Variants in LRCH1 observed in about 807,000 individuals in gnomAD.
LRCH1 encodes the protein leucine rich repeats and calponin homology domain containing 1.
Under a neutral mutation model 94.9 loss-of-function variants are expected in LRCH1, and 23 were observed. The observed-to-expected ratio is 0.24, with a 90% CI of 0.17 to 0.34. The LOEUF (loss-of-function observed/expected upper bound fraction) is 0.34. LRCH1 is among the 10% of genes least tolerant of loss of function. LRCH1 has a pLI of 1.00. For missense variants in LRCH1, 790 were observed against 945.9 expected (o/e 0.84, Z 2.16); for synonymous variants, 364 against 354.9 (o/e 1.03, Z -0.29).
At chr13:46,733,845 A>G in intron 18 of LRCH1, 76 bp from the exon 19 acceptor site, 2 of 823,586 alleles carry the variant, frequency 2.4e-6, no homozygotes, top group Non-Finnish European at 3.8e-6. Flanking sequence ...CCATTTGGGA[A>G]GTTTAAAATT....
At chr13:46,591,539 A>G (rs542193931) in intron 1 of LRCH1, among the ~76,000 whole-genome samples, 19 of 152,368 alleles carry the variant, frequency 1.2e-4, no homozygotes, top group Admixed American at 3.3e-4. Flanking sequence ...TTTAGGTATC[A>G]TTTATTCAGT....
chr13:46,719,475 G>T (rs565619174), intron 16 of LRCH1, among the ~76,000 whole-genome samples: 7 of 152,266 alleles, frequency 4.6e-5, no homozygotes, highest in South Asian at 2.1e-4. Context: ...ACAGATAAAA[G>T]AATTTTGTAT....
At position 46,687,962 on chromosome 13, in the gene LRCH1, C is replaced by T; in HGVS notation, c.933C>T (p.His311=). 1 of 1,611,826 alleles carries T rather than the reference C, an allele frequency of 6.2e-7. No individual in the cohort carries two copies. The highest frequency in any genetic ancestry group is 8.5e-7 in the Non-Finnish European group (1 of 1,179,012). Residue 311 remains histidine, a synonymous_variant, in exon 6 of 20, where the codon CAC becomes CAT. Coordinates refer to ENST00000389797, the MANE Select transcript of LRCH1 (RefSeq NM_001164211.2). ...ACACCATGGAGAGGCCACATTTACA[C>T]CAGCACGTGGAAGATGGGTGAGTCA... The part of the protein sequence containing the change: ...YLHTMERPHL[H]QHVEDGKKDS...
chr13:46,625,287 G>A (rs1032666327), intron 1 of LRCH1, among the ~76,000 whole-genome samples: 2 of 152,190 alleles, frequency 1.3e-5, no homozygotes, highest in Non-Finnish European at 2.9e-5. Context: ...CATGAAACAG[G>A]TCACCCCAAA....
At chr13:46,572,471 A>C (rs981938483) in intron 1 of LRCH1, among the ~76,000 whole-genome samples, 1 of 152,236 alleles carries the variant, frequency 6.6e-6, no homozygotes, top group African/African-American at 2.4e-5. Context: ...AAAGAGACAT[A>C]GATGCCAGTT....
intron 11 of LRCH1, among the ~76,000 whole-genome samples, chr13:46,704,128 A>C (rs1488236234): frequency 6.6e-6 from 1 of 152,098 alleles, no homozygotes; most frequent in Non-Finnish European, 1.5e-5. Context: ...TATGACATCT[A>C]ATTTTATAAT....
chr13:46,742,445 C>T lies in LRCH1; in HGVS notation c.*597C>T, dbSNP rs903707828. 8 of 986,952 alleles carry T rather than the reference C, an allele frequency of 8.1e-6. No individual in the cohort carries two copies. The African/African-American group carries it at 1.2e-4, about 15-fold the overall frequency. 61.1% of individuals were successfully genotyped at this position (986,952 alleles called of 1,614,324 possible). On this transcript the variant is annotated 3_prime_UTR_variant, in exon 20 of 20. Transcript: ENST00000389797. ...TTCGATTGGATTCCTCCCAAATTTC[C>T]TAAAAAGGGAGCCGCGAAGGGCGCT...
At chr13:46,669,227 A>G (rs2051565009) in intron 3 of LRCH1, 71 bp downstream of exon 3, 4 of 1,563,584 alleles carry the variant, frequency 2.6e-6, no homozygotes, top group African/African-American at 2.7e-5. Context: ...GTATTCAGAA[A>G]ACCTTTTTGC....
intron 9 of LRCH1, among the ~76,000 whole-genome samples, chr13:46,696,135 C>T (rs542772223): frequency 1.3e-5 from 2 of 152,174 alleles, no homozygotes; most frequent in South Asian, 4.2e-4. Flanking sequence ...ACTTCAGGCA[C>T]CACCCCGCCC....
chr13:46,570,668 A>G (rs2050231756), intron 1 of LRCH1, among the ~76,000 whole-genome samples: 1 of 152,282 alleles, frequency 6.6e-6, no homozygotes, highest in Non-Finnish European at 1.5e-5. Flanking sequence ...TTATTCTGTT[A>G]GAAGCATGAG....
chr13:46,604,579 T>C (rs982182148), intron 1 of LRCH1, among the ~76,000 whole-genome samples: 5 of 152,258 alleles, frequency 3.3e-5, no homozygotes, highest in Admixed American at 2.6e-4. Context: ...AAATTGTATC[T>C]GGAGCGGAGC....
At chr13:46,698,852 G>A (rs779633383) in intron 9 of LRCH1, among the ~76,000 whole-genome samples, 1 of 152,192 alleles carries the variant, frequency 6.6e-6, no homozygotes, top group Non-Finnish European at 1.5e-5. Flanking sequence ...AAATGTACAT[G>A]TAGTTCAGAG....
chr13:46,619,867 G>A (rs559929356), intron 1 of LRCH1, among the ~76,000 whole-genome samples: 3 of 152,128 alleles, frequency 2.0e-5, no homozygotes, highest in East Asian at 1.9e-4. Flanking sequence ...CTATACCCAC[G>A]TTCTCAGTCC....
In LRCH1 at chr13:46,553,238, C is replaced by CCCCCCAAAAAAA; in HGVS notation, c.-155_-154insCAAAAAAACCCC. The stretch of plus-strand genomic sequence containing the variant: ...CTGCCACGGCCGCCTCCCCGCCCGC[C>CCCCCCAAAAAAA]CCCCATTCTACGCGCCTGCCCACAC... On this transcript the variant is annotated 5_prime_UTR_variant, in exon 1 of 20. Coordinates refer to ENST00000389797, the MANE Select transcript of LRCH1 (RefSeq NM_001164211.2). The CCCCCCAAAAAAA allele has an allele frequency of 1.8e-6, 1 of 566,266 alleles. No homozygotes were observed. The allele number at this position is 566,266 out of a possible 1,614,324, so 35.1% of individuals were successfully genotyped here.
chr13:46,672,673 T>C (rs1016945065), intron 3 of LRCH1, among the ~76,000 whole-genome samples: 1 of 152,208 alleles, frequency 6.6e-6, no homozygotes, highest in Non-Finnish European at 1.5e-5. Flanking sequence ...CCCATGCTTT[T>C]CTTGGGCACC....
chr13:46,661,257 A>G (rs926451247), intron 2 of LRCH1, among the ~76,000 whole-genome samples: 1 of 152,204 alleles, frequency 6.6e-6, no homozygotes, highest in Admixed American at 6.5e-5. Context: ...CTAGCCAGGC[A>G]ACTTATAATG....
intron 16 of LRCH1, 92 bp from the exon 17 acceptor site, chr13:46,723,129 T>C (rs577831216): frequency 2.4e-5 from 15 of 637,758 alleles, no homozygotes; most frequent in African/African-American, 1.1e-4. Context: ...ATGAATTATT[T>C]TGGACAAATT....
At chr13:46,683,173 ATGCCTGATTTTAATTATCCTGTCTC>A (rs2138145040) in intron 4 of LRCH1, among the ~76,000 whole-genome samples, 1 of 152,360 alleles carries the variant, frequency 6.6e-6, no homozygotes, top group South Asian at 2.1e-4. Flanking sequence ...CAATTTATGG[ATGCCTGATTTTAATTATCCTGTCTC>A]TGCATCTTGA....
At chr13:46,719,096 G>A (rs894721499) in intron 16 of LRCH1, among the ~76,000 whole-genome samples, 1 of 33,800 alleles carries the variant, frequency 3.0e-5, no homozygotes, top group Non-Finnish European at 8.1e-5. Flanking sequence ...TACTATGGAT[G>A]CAGCTCTGAA....
Sources: allele counts gnomAD v4.1 joint callset (sites outside exome capture counted in the v4.1 genomes callset), GRCh38; gene constraint gnomAD v4.1.1; transcripts MANE v1.5; gene names NCBI Gene and HGNC (gene_info 2026-07-23, HGNC 2026-07-21).